CDH3: variants seen among roughly 807,000 people sequenced by gnomAD.
The protein encoded by CDH3 is cadherin 3, also known as cadherin-3.
In CDH3, 54 loss-of-function variants were observed where a neutral mutation model predicts 82.0. That is an observed-to-expected ratio of 0.66 (90% CI 0.53 to 0.83). The LOEUF is 0.83. Among genes scored for constraint, CDH3 ranks in the 40% least tolerant of loss-of-function variants. The pLI is 0.00. For missense variants in CDH3, 1,054 were observed against 1,084.6 expected, an observed-to-expected ratio of 0.97 and a Z score of 0.40; for synonymous variants, 446 against 437.9, an observed-to-expected ratio of 1.02 and a Z score of -0.23.
At chr16:68,726,415 G>A (rs557598610) in intron 2 of CDH3, among the ~76,000 whole-genome samples, 3 of 152,074 alleles carry the variant, frequency 2.0e-5, no homozygotes, top group South Asian at 2.1e-4. Flanking sequence ...TCAGGTCCCC[G>A]CAAAAGACTA....
chr16:68,650,385 A>G (rs1960204076), intron 2 of CDH3, among the ~76,000 whole-genome samples: 1 of 152,026 alleles, frequency 6.6e-6, no homozygotes, highest in South Asian at 2.1e-4. Context: ...GCTCACCGCA[A>G]CCTCCACCTT....
At chr16:68,695,016 G>C (rs1037423715) in intron 13 of CDH3, among the ~76,000 whole-genome samples, 7 of 152,190 alleles carry the variant, frequency 4.6e-5, no homozygotes, top group Non-Finnish European at 7.3e-5. Context: ...GGAACACAGA[G>C]GAGGCCAATG....
chr16:68,703,283 C>T (rs1239871662), downstream of CDH3, among the ~76,000 whole-genome samples: 1 of 152,196 alleles, frequency 6.6e-6, no homozygotes, highest in African/African-American at 2.4e-5. Flanking sequence ...ATTCCCGGCC[C>T]CCCATTTCTA....
Position 68,645,437 on chromosome 16 carries a change from C to G in CDH3, c.45+13C>G, listed in dbSNP as rs371078967. ...CCTCCTTCTCCAGGTACTCCACAGC[C>G]TCGCCGTGGCCCCGACCGGGACCGC... On this transcript the variant is annotated intron_variant, in intron 1 of 15. Transcript: ENST00000264012. 13 of 1,612,518 alleles carry G rather than the reference C, an allele frequency of 8.1e-6. No individual in the cohort carries two copies. The African/African-American group carries it at 1.1e-4, about 13-fold the overall frequency.
At chr16:68,703,567 CAG>C, downstream of CDH3, among the ~76,000 whole-genome samples, 1 of 152,328 alleles carries the variant, frequency 6.6e-6, no homozygotes, top group Middle Eastern at 3.4e-3. Context: ...ATCCCCCCAG[CAG>C]AGTACAAGTT....
At chr16:68,726,378 C>T (rs1962219376) in intron 2 of CDH3, among the ~76,000 whole-genome samples, 1 of 152,138 alleles carries the variant, frequency 6.6e-6, no homozygotes, top group African/African-American at 2.4e-5. Flanking sequence ...TGCCTTCCTT[C>T]TCTTGGCTGC....
intron 1 of CDH3, among the ~76,000 whole-genome samples, chr16:68,714,122 C>T (rs986060629): frequency 6.6e-6 from 1 of 151,826 alleles, no homozygotes; most frequent in East Asian, 1.9e-4. Flanking sequence ...TTAGTAGAGA[C>T]GGGGTTTCAT....
At chr16:68,731,395 A>ATAT (rs1247036472), downstream of CDH3, among the ~76,000 whole-genome samples, 6 of 5,242 alleles carry the variant, frequency 1.1e-3, 2 homozygotes, top group African/African-American at 2.9e-3. Context: ...AAAAAAAAAA[A>ATAT]ATATATATAT....
At position 68,645,640 on chromosome 16, in the gene CDH3, G is replaced by T; in HGVS notation, c.50G>T (p.Cys17Phe). ...PLASLLLLQV[C>F]WLQCAASEPC... ...ACTCTCTGCCCTCGGGCGCAGGTTTGCTGGCTGCAGTGCGCGGCCTCCGAG... is the reference window on the plus strand; with the variant it reads ...ACTCTCTGCCCTCGGGCGCAGGTTTTCTGGCTGCAGTGCGCGGCCTCCGAG... The change falls in exon 2 of 16, where the codon TGC becomes TTC. Residue 17 changes from cysteine to phenylalanine, a missense_variant. Physicochemically the swap from Cys to Phe is radical, Grantham distance 205 (BLOSUM62 -2). Transcript: ENST00000264012. 6.5e-7 allele frequency: 1 copy of T among 1,541,922 alleles called. No individual in the cohort carries two copies.
Position 68,685,425 on chromosome 16 carries a change from T to G in CDH3, c.1570+75T>G, listed in dbSNP as rs1961383483. 1.8e-5 allele frequency: 27 copies of G among 1,483,204 alleles called. No individual in the cohort carries two copies. In the South Asian group the frequency reaches 2.8e-4, roughly 16 times the overall value. 91.9% of individuals were successfully genotyped at this position (1,483,204 alleles called of 1,614,324 possible). A position where few individuals can be genotyped will look rare whatever the true frequency, so the allele number is the denominator to read the frequency against. On this transcript the variant is annotated intron_variant, in intron 11 of 15. Coordinates refer to ENST00000264012, the MANE Select transcript of CDH3 (RefSeq NM_001793.6). The stretch of plus-strand genomic sequence containing the variant: ...GTCACATGACACAGCACAGCATGTT[T>G]CCTCCACAGGTGGGAACATGTGTCG...
In CDH3 at chr16:68,688,316, G is replaced by A. The variant is rs148212945; in HGVS notation, c.1795+580G>A. On this transcript the variant is annotated intron_variant, in intron 12 of 15. Coordinates refer to ENST00000264012, the MANE Select transcript of CDH3 (RefSeq NM_001793.6). ...TTTAAAAATAATGTCATGGCCACAC[G>A]CAGTGGCTTACACCTGTAATCCCAG... is the stretch of plus-strand genomic sequence containing the variant. 6.6e-5 allele frequency among the ~76,000 whole-genome samples: 10 copies of A among 152,026 alleles called. No homozygotes were observed. The East Asian group carries it at 8.0e-4, about 12-fold the overall frequency.
chr16:68,683,068 C>A (rs1961275485), intron 9 of CDH3, among the ~76,000 whole-genome samples: 1 of 151,868 alleles, frequency 6.6e-6, no homozygotes, highest in Non-Finnish European at 1.5e-5. Flanking sequence ...GTGAACATAG[C>A]AAGATCCCAT....
intron 7 of CDH3, 70 bp downstream of exon 7, chr16:68,680,044 A>G (rs1961171250): frequency 6.8e-7 from 1 of 1,460,146 alleles, no homozygotes; most frequent in Non-Finnish European, 9.6e-7. Context: ...CTGAGAGCAG[A>G]AGCTCCTATC....
In CDH3 at chr16:68,705,293, CTG is replaced by C. The variant is rs1183556418; in HGVS notation, c.99+9372_99+9373del. On this transcript the variant is annotated intron_variant, in intron 1 of 2. Transcript: ENST00000569080. The stretch of plus-strand genomic sequence containing the variant: ...AGTTGGCCTCACTGACTCTGAGACT[CTG>C]TAGCCCTGAAGCACAAAAGCCACAG... Among the ~76,000 whole-genome samples the C allele has an allele frequency of 6.6e-5, 10 of 152,272 alleles. No individual in the cohort carries two copies. In the South Asian group the frequency reaches 1.7e-3, roughly 25 times the overall value.
intron 1 of CDH3, among the ~76,000 whole-genome samples, chr16:68,715,835 CA>C (rs1962089290): frequency 6.6e-6 from 1 of 152,170 alleles, no homozygotes; most frequent in South Asian, 2.1e-4. Flanking sequence ...CTGGTGGGCA[CA>C]ACATATGGTT....
chr16:68,681,185 T>G, intron 8 of CDH3, 89 bp downstream of exon 8: 1 of 1,417,156 alleles, frequency 7.1e-7, no homozygotes, highest in South Asian at 1.2e-5. Context: ...TCTATATTGC[T>G]TCAAATGCCA....
At chr16:68,646,006 A>T in intron 2 of CDH3, 1 of 528,840 alleles carries the variant, frequency 1.9e-6, no homozygotes, top group Non-Finnish European at 3.4e-6. Flanking sequence ...GAGATGCCGG[A>T]TGGCTGAGCC....
intron 2 of CDH3, among the ~76,000 whole-genome samples, chr16:68,668,440 C>G (rs139119146): frequency 5.0e-4 from 76 of 152,254 alleles, no homozygotes; most frequent in Middle Eastern, 6.8e-3. Context: ...TGATACAAGC[C>G]AGTGGTGCCA....
intron 1 of CDH3, among the ~76,000 whole-genome samples, chr16:68,708,131 C>T (rs1961987027): frequency 6.6e-6 from 1 of 152,084 alleles, no homozygotes; most frequent in South Asian, 2.1e-4. Flanking sequence ...AGTTCAAAAC[C>T]AGCCTGGCCA....
Sources: allele counts gnomAD v4.1 joint callset (sites outside exome capture counted in the v4.1 genomes callset), GRCh38; gene constraint gnomAD v4.1.1; transcripts MANE v1.5; gene names NCBI Gene and HGNC (gene_info 2026-07-23, HGNC 2026-07-21).